Variants in DLG2 observed in about 807,000 individuals in gnomAD.
DLG2 encodes discs large MAGUK scaffold protein 2.
Under a neutral mutation model 132.5 loss-of-function variants are expected in DLG2, and 45 were observed. That is an observed-to-expected ratio of 0.34 (90% CI 0.27 to 0.44). The LOEUF is 0.44. Ranked by LOEUF, DLG2 falls within the 20% of genes least tolerant of loss-of-function variation. DLG2 has a pLI of 1.00. For synonymous variants in DLG2, 424 were observed against 419.6 expected (o/e 1.01, Z -0.13); for missense variants, 1,045 against 1,196.9 (o/e 0.87, Z 1.87).
intron 6 of DLG2, among the ~76,000 whole-genome samples, chr11:85,022,643 AAT>A (rs1429157877): frequency 6.6e-6 from 1 of 152,118 alleles, no homozygotes; most frequent in African/African-American, 2.4e-5. Context: ...TATCTTTAAT[AAT>A]AGTGTTTTCA....
chr11:83,524,053 C>A (rs1463565180), intron 21 of DLG2, among the ~76,000 whole-genome samples: 1 of 152,138 alleles, frequency 6.6e-6, no homozygotes, highest in Non-Finnish European at 1.5e-5. Flanking sequence ...GTTGCTCATT[C>A]TAGCCTTATA....
chr11:85,350,376 G>A (rs1020808154), intron 3 of DLG2, among the ~76,000 whole-genome samples: 1 of 152,166 alleles, frequency 6.6e-6, no homozygotes. Flanking sequence ...CACTATGCTG[G>A]TAGCTTCTTT....
At chr11:84,298,197 C>T (rs2098114862) in intron 7 of DLG2, among the ~76,000 whole-genome samples, 1 of 152,154 alleles carries the variant, frequency 6.6e-6, no homozygotes, top group African/African-American at 2.4e-5. Context: ...TATCTATTAT[C>T]AATATATGTT....
chr11:84,769,837 A>G (rs2068994667), intron 6 of DLG2, among the ~76,000 whole-genome samples: 1 of 152,228 alleles, frequency 6.6e-6, no homozygotes, highest in Non-Finnish European at 1.5e-5. Flanking sequence ...TAAAGAAAAT[A>G]AATTCCAACC....
intron 17 of DLG2, 138 bp downstream of exon 17, chr11:83,833,476 A>C (rs2055177884): frequency 2.3e-6 from 2 of 885,478 alleles, no homozygotes; most frequent in Non-Finnish European, 3.4e-6. Flanking sequence ...CAAAATTGTG[A>C]CATGCACCAG....
chr11:84,611,040 C>CACAA (rs2099594626), intron 6 of DLG2, among the ~76,000 whole-genome samples: 1 of 151,106 alleles, frequency 6.6e-6, no homozygotes, highest in South Asian at 2.1e-4. Flanking sequence ...CACACACACA[C>CACAA]ACACACACAC....
At chr11:84,070,874 G>A (rs1178868796) in intron 10 of DLG2, among the ~76,000 whole-genome samples, 1 of 152,018 alleles carries the variant, frequency 6.6e-6, no homozygotes, top group South Asian at 2.1e-4. Context: ...TCTTTACTTG[G>A]AAGTTGACAG....
intron 7 of DLG2, among the ~76,000 whole-genome samples, chr11:84,426,691 CTTTTT>C (rs2098967694): frequency 6.6e-6 from 1 of 152,008 alleles, no homozygotes; most frequent in South Asian, 2.1e-4. Flanking sequence ...ACTCTTTTCT[CTTTTT>C]TCCCAAGACT....
At chr11:84,181,090 T>TTA (rs35713678) in intron 8 of DLG2, among the ~76,000 whole-genome samples, 9,664 of 152,006 alleles carry the variant, frequency 0.064, 381 homozygotes, top group African/African-American at 0.097. Context: ...ATGCATATGA[T>TTA]TATATATGTG....
At position 84,725,636 on chromosome 11, in the gene DLG2, C is replaced by T. The variant is rs141868690; in HGVS notation, c.358-190905G>A. Among the ~76,000 whole-genome samples the T allele has an allele frequency of 3.8e-3, 578 of 152,130 alleles. 10 individuals carry two copies. Among genetic ancestry groups the T allele is most frequent in the Admixed American group, 0.033 (505 of 15,272 alleles). ...GTAACAAAGTATATACAATTAAGAACGAACAAATATACTCAAAGTCCATAC... is the reference window on the plus strand; with the variant it reads ...GTAACAAAGTATATACAATTAAGAATGAACAAATATACTCAAAGTCCATAC... On this transcript the variant is annotated intron_variant, in intron 6 of 27. Transcript: ENST00000376104.
intron 10 of DLG2, among the ~76,000 whole-genome samples, chr11:84,089,307 G>C (rs1399120783): frequency 6.6e-6 from 1 of 152,104 alleles, no homozygotes; most frequent in East Asian, 1.9e-4. Flanking sequence ...AAAAAACCAA[G>C]CTGAGCTTTA....
intron 6 of DLG2, among the ~76,000 whole-genome samples, chr11:84,844,622 T>C (rs2081238789): frequency 6.6e-6 from 1 of 152,138 alleles, no homozygotes. Context: ...TTTCAGACTC[T>C]AGGTAACTTC....
At chr11:84,925,038 G>A (rs1426779312) in intron 6 of DLG2, among the ~76,000 whole-genome samples, 5 of 152,102 alleles carry the variant, frequency 3.3e-5, no homozygotes, top group Admixed American at 1.3e-4. Flanking sequence ...GCAAAACATA[G>A]AAGAACTTAA....
At chr11:84,211,229 G>A (rs4944473) in intron 8 of DLG2, among the ~76,000 whole-genome samples, 113,718 of 151,980 alleles carry the variant, frequency 0.75, 44,649 homozygotes, top group Middle Eastern at 0.9. Flanking sequence ...AGTACTTTCT[G>A]TATTGCTGTA....
intron 6 of DLG2, among the ~76,000 whole-genome samples, chr11:84,793,952 T>C (rs2074219864): frequency 6.6e-6 from 1 of 152,146 alleles, no homozygotes. Flanking sequence ...TGTTTTTGGG[T>C]TGTTTTGTGT....
At chr11:84,171,828 A>G (rs1186918685) in intron 8 of DLG2, among the ~76,000 whole-genome samples, 1 of 152,186 alleles carries the variant, frequency 6.6e-6, no homozygotes, top group Non-Finnish European at 1.5e-5. Flanking sequence ...CCAGAATGTA[A>G]GCTCTAAATA....
chr11:85,380,755 A>G (rs145042572), intron 3 of DLG2, among the ~76,000 whole-genome samples: 67 of 152,350 alleles, frequency 4.4e-4, no homozygotes, highest in Non-Finnish European at 8.7e-4. Context: ...GGATTTGCAC[A>G]TTGAAGGCCA....
intron 3 of DLG2, among the ~76,000 whole-genome samples, chr11:85,594,959 G>A (rs147278931): frequency 0.087 from 13,229 of 151,220 alleles, 957 homozygotes; most frequent in Non-Finnish European, 0.12. Flanking sequence ...CCAGCTACTC[G>A]GGAGGCTGAG....
chr11:84,708,161 A>T (rs1381665350), intron 6 of DLG2, among the ~76,000 whole-genome samples: 1 of 151,756 alleles, frequency 6.6e-6, no homozygotes, highest in African/African-American at 2.4e-5. Context: ...TGATGTTTGA[A>T]CCTTACTAGT....
Sources: allele counts gnomAD v4.1 joint callset (sites outside exome capture counted in the v4.1 genomes callset), GRCh38; gene constraint gnomAD v4.1.1; transcripts MANE v1.5; gene names NCBI Gene and HGNC (gene_info 2026-07-23, HGNC 2026-07-21).